ADGRL4: variants seen among roughly 807,000 people sequenced by gnomAD.
ADGRL4 encodes adhesion G protein-coupled receptor L4.
Under a neutral mutation model 74.8 loss-of-function variants are expected in ADGRL4, and 90 were observed. The observed-to-expected ratio is 1.20, with a 90% CI of 1.02 to 1.43. The LOEUF (loss-of-function observed/expected upper bound fraction) is 1.43, where lower values mean the gene tolerates loss of function less well. ADGRL4 is among the 40% of genes most tolerant of loss of function. The pLI, the probability that ADGRL4 is intolerant of heterozygous loss-of-function variation, is 0.00. For missense variants in ADGRL4, 881 were observed against 814.3 expected, an observed-to-expected ratio of 1.08 and a Z score of -1.00; for synonymous variants, 311 against 279.2, an observed-to-expected ratio of 1.11 and a Z score of -1.14.
chr1:78,902,385 CTAT>C (rs1404543446), intron 12 of ADGRL4, among the ~76,000 whole-genome samples: 2 of 152,134 alleles, frequency 1.3e-5, no homozygotes, highest in Non-Finnish European at 2.9e-5. Flanking sequence ...CTTTGCCTTA[CTAT>C]TATCACCATT....
intron 2 of ADGRL4, among the ~76,000 whole-genome samples, chr1:78,952,492 C>T (rs11812069): frequency 0.014 from 2,182 of 151,338 alleles, 55 homozygotes; most frequent in African/African-American, 0.051. Context: ...TGTATTTATT[C>T]TGTGAATACC....
chr1:78,954,028 C>T (rs1388442028), intron 2 of ADGRL4, among the ~76,000 whole-genome samples: 2 of 152,138 alleles, frequency 1.3e-5, no homozygotes, highest in Non-Finnish European at 2.9e-5. Context: ...TGCCTGTAAT[C>T]TCAGCTACTT....
Position 79,003,887 on chromosome 1 carries a change from G to T in ADGRL4, c.172+1183C>A, listed in dbSNP as rs116128490. ...ACATTTCTAAGATTATTTATGAAAA[G>T]AATTTTGTAATTCTTGTAAAATAGT... is the stretch of plus-strand genomic sequence containing the variant. On this transcript the variant is annotated intron_variant, in intron 2 of 14. Transcript: ENST00000370742. 9.1e-3 allele frequency among the ~76,000 whole-genome samples: 1,381 copies of T among 151,972 alleles called. 20 individuals carry two copies. The highest frequency in any genetic ancestry group is 0.032 in the African/African-American group (1,313 of 41,486).
chr1:78,946,506 A>T, intron 2 of ADGRL4, 80 bp from the exon 3 acceptor site: 2 of 1,217,874 alleles, frequency 1.6e-6, no homozygotes, highest in South Asian at 1.5e-5. Flanking sequence ...ATTTTGGAAT[A>T]TTGACTGTTA....
rs543204132 is a variant in ADGRL4 at position 79,005,486 on chromosome 1, T to C, written c.23-267A>G. On this transcript the variant is annotated intron_variant, in intron 1 of 14. Coordinates refer to ENST00000370742, the MANE Select transcript of ADGRL4 (RefSeq NM_022159.4). ...ACTAAAATGTAATAAACAACTCAGC[T>C]TTATAATAAAAACTGTGTTCCCAGA... 6.8e-4 allele frequency among the ~76,000 whole-genome samples: 104 copies of C among 152,308 alleles called. 1 individual carries two copies. In the East Asian group the frequency reaches 0.018, roughly 27 times the overall value.
At chr1:78,944,868 A>G (rs563203942) in intron 3 of ADGRL4, among the ~76,000 whole-genome samples, 4 of 152,254 alleles carry the variant, frequency 2.6e-5, no homozygotes, top group Admixed American at 6.5e-5. Flanking sequence ...TAACACAGAC[A>G]TTTCACAGAT....
At chr1:78,944,944 T>C (rs1204707020) in intron 3 of ADGRL4, among the ~76,000 whole-genome samples, 1 of 151,914 alleles carries the variant, frequency 6.6e-6, no homozygotes, top group East Asian at 1.9e-4. Context: ...GTGGGCAGAT[T>C]GCCTGAGCTC....
chr1:78,950,036 A>G (rs1341519021), intron 2 of ADGRL4, among the ~76,000 whole-genome samples: 7 of 152,164 alleles, frequency 4.6e-5, no homozygotes, highest in Non-Finnish European at 8.8e-5. Flanking sequence ...CACCCAAATT[A>G]TCAGATTGTA....
At chr1:78,956,804 T>A (rs149349307) in intron 2 of ADGRL4, among the ~76,000 whole-genome samples, 1 of 152,254 alleles carries the variant, frequency 6.6e-6, no homozygotes, top group African/African-American at 2.4e-5. Context: ...ATGGAAGCAT[T>A]GTGTCCTTCA....
rs564847189 is a variant in ADGRL4, at chr1:78,947,755, T to C, written c.173-1329A>G. ...AAAAGTGACTGGGATATTCTGAAGA[T>C]TGTAAGAAGCCTAATTGGGGAGCAC... is the stretch of plus-strand genomic sequence containing the variant. On this transcript the variant is annotated intron_variant, in intron 2 of 14. Transcript: ENST00000370742. Among the ~76,000 whole-genome samples, 8 of 152,232 alleles carry C rather than the reference T, an allele frequency of 5.3e-5. No individual in the cohort carries two copies. In the East Asian group the frequency reaches 1.5e-3, roughly 29 times the overall value.
chr1:78,946,235 G>C, intron 3 of ADGRL4, 39 bp downstream of exon 3: 2 of 1,543,810 alleles, frequency 1.3e-6, no homozygotes, highest in East Asian at 2.3e-5. Context: ...CAAACAATAA[G>C]AGATATATAC....
chr1:78,957,787 T>C (rs983605309), intron 2 of ADGRL4, among the ~76,000 whole-genome samples: 1 of 152,162 alleles, frequency 6.6e-6, no homozygotes, highest in African/African-American at 2.4e-5. Flanking sequence ...AACAATAGAT[T>C]TTCAGTGTAG....
intron 2 of ADGRL4, among the ~76,000 whole-genome samples, chr1:78,993,291 A>G (rs1650645919): frequency 6.6e-6 from 1 of 152,170 alleles, no homozygotes. Flanking sequence ...ATGATAATAA[A>G]CAAAATAAAT....
chr1:78,899,651 GGCCCTATGTAGTTATTAATTTAA>G (rs1234224073), intron 12 of ADGRL4, among the ~76,000 whole-genome samples: 2 of 152,102 alleles, frequency 1.3e-5, no homozygotes, highest in Non-Finnish European at 2.9e-5. Context: ...CACCATGCTT[GGCCCTATGTAGTTATTAATTTAA>G]GCATCAGAAT....
rs567645760 is a variant in ADGRL4, at chr1:79,003,841, C to A, written c.172+1229G>T. Among the ~76,000 whole-genome samples the A allele has an allele frequency of 2.0e-5, 3 of 152,018 alleles. No homozygotes were observed. In the South Asian group the frequency reaches 6.2e-4, roughly 32 times the overall value. ...ACTCAACTTTACACTTGCTACAATG[C>A]CATTCAATTAAATACACAATACATT... On this transcript the variant is annotated intron_variant, in intron 2 of 14. Coordinates refer to ENST00000370742, the MANE Select transcript of ADGRL4 (RefSeq NM_022159.4).
intron 9 of ADGRL4, 62 bp from the exon 10 acceptor site, chr1:78,920,448 C>T: frequency 1.0e-6 from 1 of 991,594 alleles, no homozygotes; most frequent in African/African-American, 1.7e-5. Flanking sequence ...AAAGGAACTA[C>T]AACATATAAT....
chr1:78,927,212 C>T, intron 7 of ADGRL4, 121 bp from the exon 8 acceptor site: 1 of 667,154 alleles, frequency 1.5e-6, no homozygotes, highest in Non-Finnish European at 2.5e-6. Flanking sequence ...TACAAATCCC[C>T]AGATACTGAA....
intron 2 of ADGRL4, among the ~76,000 whole-genome samples, chr1:78,980,023 C>A (rs541426689): frequency 6.6e-6 from 1 of 151,912 alleles, no homozygotes; most frequent in Non-Finnish European, 1.5e-5. Flanking sequence ...ATCAGTGCCC[C>A]CCAAAACTAT....
At chr1:78,931,859 A>G (rs1012035005) in intron 7 of ADGRL4, among the ~76,000 whole-genome samples, 1 of 151,516 alleles carries the variant, frequency 6.6e-6, no homozygotes, top group African/African-American at 2.5e-5. Flanking sequence ...TGGTAAAGGG[A>G]TCAAGTCAAC....
Sources: allele counts gnomAD v4.1 joint callset (sites outside exome capture counted in the v4.1 genomes callset), GRCh38; gene constraint gnomAD v4.1.1; transcripts MANE v1.5; gene names NCBI Gene and HGNC (gene_info 2026-07-23, HGNC 2026-07-21).